Variants in COL8A2 observed in about 807,000 individuals in gnomAD.
COL8A2 encodes the protein collagen alpha-2(VIII) chain.
A neutral mutation model predicts 24.0 loss-of-function variants in COL8A2; 16 were observed. The observed-to-expected ratio is 0.67, with a 90% CI of 0.45 to 1.01. The LOEUF (loss-of-function observed/expected upper bound fraction) is 1.01, where lower values mean the gene tolerates loss of function less well. COL8A2 is among the 50% of genes least tolerant of loss of function. The probability of loss-of-function intolerance (pLI) is 0.00; values close to 1 mark genes in which losing one functional copy is unlikely to be tolerated. For missense variants in COL8A2, 818 were observed against 942.4 expected (o/e 0.87, Z 1.73); for synonymous variants, 466 against 424.5 (o/e 1.10, Z -1.20).
chr1:36,109,261 T>A (rs1346630426), intron 2 of COL8A2, among the ~76,000 whole-genome samples: 1 of 152,206 alleles, frequency 6.6e-6, no homozygotes, highest in Non-Finnish European at 1.5e-5. Flanking sequence ...CCCGCGCTGC[T>A]CTCTCCTTGC....
At chr1:36,104,289 C>G (rs1193166703) in intron 2 of COL8A2, among the ~76,000 whole-genome samples, 4 of 151,046 alleles carry the variant, frequency 2.6e-5, no homozygotes, top group Admixed American at 6.6e-5. Flanking sequence ...GTCAGGAGAT[C>G]GAGACCATCC....
Position 36,096,117 on chromosome 1 carries a change from A to T in COL8A2, c.*1452T>A, listed in dbSNP as rs1351323328. 1 of 150,814 alleles carries T rather than the reference A, an allele frequency of 6.6e-6. No individual in the cohort carries two copies. Among genetic ancestry groups the T allele is most frequent in the African/African-American group, 2.4e-5 (1 of 41,134 alleles). The allele number at this position is 150,814 out of a possible 1,614,324, so 9.3% of individuals were successfully genotyped here. A position where few individuals can be genotyped will look rare whatever the true frequency, so the allele number is the denominator to read the frequency against. On this transcript the variant is annotated 3_prime_UTR_variant, in exon 4 of 4. Transcript: ENST00000397799. ...ATCACAGACCGAATGACCCCAGTTC[A>T]CACTTGGTACAAGGAGTGGGGCTGG... is the stretch of plus-strand genomic sequence containing the variant.
At chr1:36,117,495 A>C (rs1442723761) in intron 1 of COL8A2, among the ~76,000 whole-genome samples, 3 of 152,212 alleles carry the variant, frequency 2.0e-5, no homozygotes, top group African/African-American at 7.2e-5. Flanking sequence ...GAATATATTC[A>C]GGGGATGGAG....
intron 2 of COL8A2, among the ~76,000 whole-genome samples, chr1:36,106,137 G>A (rs1040092853): frequency 2.0e-5 from 3 of 151,932 alleles, no homozygotes; most frequent in African/African-American, 4.8e-5. Context: ...CAGGCATGGT[G>A]GCTGTGATTC....
Position 36,100,273 on chromosome 1 carries a change from A to G in COL8A2, c.-16-15T>C, listed in dbSNP as rs751883971. The G allele has an allele frequency of 1.1e-5, 17 of 1,539,080 alleles. No homozygotes were observed. Among genetic ancestry groups the G allele is most frequent in the East Asian group, 9.8e-5 (4 of 40,964 alleles). On this transcript the variant is annotated splice_polypyrimidine_tract_variant and intron_variant, in intron 2 of 3. Coordinates refer to ENST00000397799, the MANE Select transcript of COL8A2 (RefSeq NM_005202.4). ...CCGTGGACGTGCTGCAAAGAAGAAC[A>G]GAGAAAGTCATCAAGCCAGCCCTGG...
At chr1:36,120,949 C>A (rs1177851629) in intron 1 of COL8A2, among the ~76,000 whole-genome samples, 2 of 151,028 alleles carry the variant, frequency 1.3e-5, no homozygotes, top group Non-Finnish European at 3.0e-5. Flanking sequence ...ATTAGCCGGG[C>A]CTGGTGGTGC....
At chr1:36,119,647 G>A (rs539107301) in intron 1 of COL8A2, among the ~76,000 whole-genome samples, 2 of 152,332 alleles carry the variant, frequency 1.3e-5, no homozygotes, top group East Asian at 3.9e-4. Context: ...CGCCTGTCAG[G>A]GAGCGTGGCC....
intron 2 of COL8A2, among the ~76,000 whole-genome samples, chr1:36,110,915 G>A (rs912691688): frequency 3.5e-4 from 54 of 152,134 alleles, no homozygotes; most frequent in Non-Finnish European, 5.4e-4. Flanking sequence ...ATGGACCTTG[G>A]GGAGGAGCAG....
rs559462348 is a variant in COL8A2 at position 36,121,112 on chromosome 1, A to G, written c.-62+3945T>C. ...TTAATAAAAAAAAAAAAGACCAGGC[A>G]TGGCACGGTGGCTCACTCCTATAAT... On this transcript the variant is annotated intron_variant, in intron 1 of 3. Transcript: ENST00000397799. Among the ~76,000 whole-genome samples, 235 of 149,396 alleles carry G rather than the reference A, an allele frequency of 1.6e-3. 3 individuals are homozygous for G. The highest frequency in any genetic ancestry group is 5.2e-3 in the African/African-American group (210 of 40,506).
At chr1:36,119,839 C>T (rs1379470156) in intron 1 of COL8A2, among the ~76,000 whole-genome samples, 3 of 152,184 alleles carry the variant, frequency 2.0e-5, no homozygotes, top group Non-Finnish European at 4.4e-5. Context: ...CTAGGTTTCT[C>T]CTCACCACAG....
At position 36,115,117 on chromosome 1, in the gene COL8A2, C is replaced by T. The variant is rs568851666; in HGVS notation, c.-17+591G>A. Among the ~76,000 whole-genome samples the T allele has an allele frequency of 2.0e-5, 3 of 152,276 alleles. No homozygotes were observed. The highest frequency in any genetic ancestry group is 3.9e-4 in the East Asian group (2 of 5,166). On this transcript the variant is annotated intron_variant, in intron 2 of 3. Transcript: ENST00000397799. The surrounding 1 kb of genome is among the most constrained non-coding windows in gnomAD (Gnocchi z 5.7). ...CTGGCCCTTCCCCACCCAGGGGCTC[C>T]GGCCTCAGCTGGGGCCGTCGCTTGC...
rs1174553151 is a variant in COL8A2, at chr1:36,125,154, T to C, written c.-159A>G. 9.8e-6 allele frequency: 6 copies of C among 610,570 alleles called. No homozygotes were observed. Among genetic ancestry groups the C allele is most frequent in the Non-Finnish European group, 1.2e-5 (6 of 490,114 alleles). The allele number at this position is 610,570 out of a possible 1,614,324, so 37.8% of individuals were successfully genotyped here. ...GCGTCCGCGGCTGGGCGGGCGGCGTTGGGGTCCGGGGTCCGCGCCGGCGGG... is the reference window on the plus strand; with the variant it reads ...GCGTCCGCGGCTGGGCGGGCGGCGTCGGGGTCCGGGGTCCGCGCCGGCGGG... On this transcript the variant is annotated 5_prime_UTR_variant, in exon 1 of 4. Coordinates refer to ENST00000397799, the MANE Select transcript of COL8A2 (RefSeq NM_005202.4). The surrounding 1 kb of genome is among the most constrained non-coding windows in gnomAD (Gnocchi z 4.5).
chr1:36,108,895 T>C (rs1188863918), intron 2 of COL8A2, among the ~76,000 whole-genome samples: 1 of 152,116 alleles, frequency 6.6e-6, no homozygotes, highest in Non-Finnish European at 1.5e-5. Context: ...AGGAGGGCTA[T>C]GTGGTAGCAT....
rs1557738454 is a variant in COL8A2, at chr1:36,098,885, G to A, written c.796C>T (p.Pro266Ser). 1.6e-5 allele frequency: 26 copies of A among 1,612,200 alleles called. No individual in the cohort carries two copies. The highest frequency in any genetic ancestry group is 1.9e-5 in the Non-Finnish European group (23 of 1,179,620). The change falls in exon 4 of 4, where the codon CCA becomes TCA. Residue 266 changes from proline (P) to serine (S), a missense_variant. Around this residue, in one of 3 missense-constraint regions of COL8A2, gnomAD observed 573 missense variants for 616.8 expected, o/e 0.93. Coordinates refer to ENST00000397799, the MANE Select transcript of COL8A2 (RefSeq NM_005202.4). Reference protein sequence around the residue: ...PPGVPGPRGEPGAVGPKGPPG... With the variant: ...PPGVPGPRGESGAVGPKGPPG... ...GGTCCTTTTGGGCCCACAGCTCCTG[G>A]CTCCCCCCTGGGGCCTGGAACTCCA...
intron 2 of COL8A2, 119 bp from the exon 3 acceptor site, chr1:36,100,377 G>A (rs1449971876): frequency 1.1e-6 from 1 of 947,926 alleles, no homozygotes; most frequent in Non-Finnish European, 1.6e-6. Flanking sequence ...AAAAGGCTGA[G>A]AAGCAATTCC....
At chr1:36,106,834 C>T (rs966113804) in intron 2 of COL8A2, among the ~76,000 whole-genome samples, 1 of 152,164 alleles carries the variant, frequency 6.6e-6, no homozygotes, top group African/African-American at 2.4e-5. Context: ...ACCCTCTTGG[C>T]TCCCTGAATT....
chr1:36,109,919 C>T (rs1345443768), intron 2 of COL8A2, among the ~76,000 whole-genome samples: 2 of 129,248 alleles, frequency 1.5e-5, no homozygotes, highest in Non-Finnish European at 3.2e-5. Flanking sequence ...TCTTTTTATT[C>T]CTTTACTTCC....
rs962675736 is a variant in COL8A2 at position 36,123,243 on chromosome 1, C to T, written c.-62+1814G>A. On this transcript the variant is annotated intron_variant, in intron 1 of 3. Coordinates refer to ENST00000397799, the MANE Select transcript of COL8A2 (RefSeq NM_005202.4). The surrounding 1 kb of genome is among the most constrained non-coding windows in gnomAD (Gnocchi z 4.1). ...CCAGCGCATCTGAGACCCCACTTCC[C>T]TGTAAGAGGTGCCCCATCCCTGCCA... Among the ~76,000 whole-genome samples the T allele has an allele frequency of 1.3e-5, 2 of 152,212 alleles. No homozygotes were observed. The highest frequency in any genetic ancestry group is 1.3e-4 in the Admixed American group (2 of 15,278).
rs774436601 is a variant in COL8A2 at position 36,097,918 on chromosome 1, G to A, written c.1763C>T (p.Ser588Leu). The A allele has an allele frequency of 3.3e-5, 53 of 1,611,704 alleles. No individual in the cohort carries two copies. The highest frequency in any genetic ancestry group is 3.8e-5 in the Non-Finnish European group (45 of 1,179,906). Residue 588 changes from serine to leucine, a missense_variant, in exon 4 of 4, where the codon TCG (serine) becomes TTG (leucine). Ser to Leu is a moderately radical substitution (Grantham distance 145, BLOSUM62 -2). Coordinates refer to ENST00000397799, the MANE Select transcript of COL8A2 (RefSeq NM_005202.4). ...CCGGTCAAATTTCACGGGCATGCCC[G>A]AGGCGGGGAAGGGCGAGGTGAGCAC... Reference protein sequence around the residue: ...TAVLTSPFPASGMPVKFDRTL... With the variant: ...TAVLTSPFPALGMPVKFDRTL...
Sources: gnomAD v4.1 joint callset for allele counts (sites outside exome capture counted in the v4.1 genomes callset) on GRCh38, gnomAD v4.1.1 for gene constraint, gnomAD v4.1.1 regional missense constraint, Gnocchi (gnomAD v3.1) non-coding constraint, MANE v1.5 for transcripts, NCBI Gene and HGNC (gene_info 2026-07-23, HGNC 2026-07-21) for gene names.